PCDHGB1: variants seen among roughly 807,000 people sequenced by gnomAD.
PCDHGB1 encodes protocadherin gamma subfamily B, 1, also known as protocadherin gamma-B1.
In PCDHGB1, 34 loss-of-function variants were observed where a neutral mutation model predicts 56.6. The observed-to-expected ratio is 0.60, with a 90% CI of 0.46 to 0.80. The LOEUF is 0.80. PCDHGB1 is among the 30% of genes least tolerant of loss of function. PCDHGB1 has a pLI of 0.00. For synonymous variants in PCDHGB1, 561 were observed against 505.9 expected (o/e 1.11, Z -1.46); for missense variants, 1,278 against 1,204.6 (o/e 1.06, Z -0.90).
rs754268147 is a variant in PCDHGB1, at chr5:141,410,352, G to C, written c.2409+57683G>C. ...CTGGCCATTGCCTTGCGCCTGCGAC[G>C]CTCTCTCAGCCCTGCTACTTGGGAC... On this transcript the variant is annotated intron_variant, in intron 1 of 3. Coordinates refer to ENST00000523390, the MANE Select transcript of PCDHGB1 (RefSeq NM_018922.3). The C allele has an allele frequency of 6.2e-6, 10 of 1,614,022 alleles. No homozygotes were observed. In the South Asian group the frequency reaches 1.1e-4, roughly 18 times the overall value.
rs748349148 is a variant in PCDHGB1 at position 141,356,186 on chromosome 5, C to A, written c.2409+3517C>A. ...GCCCATGATGGGCCTGGTCTCCGAG[C>A]TAGAAGCAAGGTACTGGTGACAGTT... is the stretch of plus-strand genomic sequence containing the variant. On this transcript the variant is annotated intron_variant, in intron 1 of 3. Coordinates refer to ENST00000523390, the MANE Select transcript of PCDHGB1 (RefSeq NM_018922.3). 4 of 1,611,094 alleles carry A rather than the reference C, an allele frequency of 2.5e-6. No individual in the cohort carries two copies. The Admixed American group carries it at 6.7e-5, about 27-fold the overall frequency.
At chr5:141,405,441 A>G (rs1049992632) in intron 1 of PCDHGB1, 1 of 1,376,552 alleles carries the variant, frequency 7.3e-7, no homozygotes, top group Non-Finnish European at 1.0e-6. Context: ...TGTTTTTGAG[A>G]CAGAGTCTTA....
intron 1 of PCDHGB1, chr5:141,383,497 C>A: frequency 6.2e-7 from 1 of 1,612,952 alleles, no homozygotes; most frequent in East Asian, 2.2e-5. Flanking sequence ...GGAGCGGGTG[C>A]TGGACCGGGA....
chr5:141,385,045 C>A, intron 1 of PCDHGB1: 1 of 1,614,178 alleles, frequency 6.2e-7, no homozygotes, highest in Non-Finnish European at 8.5e-7. Context: ...GGCGCTCAGG[C>A]TGCGGCGCTG....
chr5:141,490,890 G>C lies in PCDHGB1; in HGVS notation c.2410-3917G>C, dbSNP rs751713801. The C allele has an allele frequency of 9.9e-6, 16 of 1,613,306 alleles. No homozygotes were observed. The South Asian group carries it at 1.2e-4, about 12-fold the overall frequency. On this transcript the variant is annotated intron_variant, in intron 1 of 3. Transcript: ENST00000523390. This position sits in a 1 kb window ranked among gnomAD's most constrained non-coding sequence, Gnocchi z 5.4. ...CCCCATTGCATGCCAACACATCTCT[G>C]CATGTGTTTGTCCTAGACGAGAATG...
At chr5:141,500,086 A>G (rs1456179271) in intron 2 of PCDHGB1, among the ~76,000 whole-genome samples, 1 of 151,682 alleles carries the variant, frequency 6.6e-6, no homozygotes, top group Non-Finnish European at 1.5e-5. Flanking sequence ...TCCATCTTCC[A>G]TTTTTGCAAT....
intron 1 of PCDHGB1, among the ~76,000 whole-genome samples, chr5:141,474,102 AAAC>A (rs909174523): frequency 2.6e-4 from 40 of 152,286 alleles, no homozygotes; most frequent in African/African-American, 8.7e-4. Flanking sequence ...ACAACAACAA[AAAC>A]AACAACAACG....
chr5:141,399,252 TG>T, intron 1 of PCDHGB1: 1 of 1,613,778 alleles, frequency 6.2e-7, no homozygotes, highest in Non-Finnish European at 8.5e-7. Context: ...CTGGGGAAAA[TG>T]GGGAGGTTAA....
At chr5:141,404,906 C>T (rs776779922) in intron 1 of PCDHGB1, 7 of 1,613,864 alleles carry the variant, frequency 4.3e-6, no homozygotes, top group Non-Finnish European at 5.1e-6. Context: ...CCATGGCCAG[C>T]CCCCTCTCTC....
chr5:141,488,548 T>C (rs112676623), intron 1 of PCDHGB1, among the ~76,000 whole-genome samples: 2 of 152,318 alleles, frequency 1.3e-5, no homozygotes, highest in African/African-American at 4.8e-5. Flanking sequence ...CCATGTCAGC[T>C]GACATTGAGA....
At chr5:141,473,439 A>G (rs2099322281) in intron 1 of PCDHGB1, among the ~76,000 whole-genome samples, 1 of 152,210 alleles carries the variant, frequency 6.6e-6, no homozygotes, top group African/African-American at 2.4e-5. Flanking sequence ...TTGCTTATGC[A>G]AAAATAATTA....
At chr5:141,483,907 C>A (rs545585133) in intron 1 of PCDHGB1, among the ~76,000 whole-genome samples, 1 of 151,240 alleles carries the variant, frequency 6.6e-6, no homozygotes, top group East Asian at 1.9e-4. Context: ...TGGTGTGTTT[C>A]CCACTCAGAT....
chr5:141,419,397 T>G (rs1280096838), intron 1 of PCDHGB1: 3 of 1,613,312 alleles, frequency 1.9e-6, no homozygotes. Flanking sequence ...CAGAGCGGGG[T>G]GGTGTTCGCG....
intron 1 of PCDHGB1, chr5:141,374,262 C>T (rs369097101): frequency 6.2e-7 from 1 of 1,613,942 alleles, no homozygotes; most frequent in Non-Finnish European, 8.5e-7. Flanking sequence ...CAGGAGTTGG[C>T]GGAGCACGGA....
At chr5:141,356,765 A>G (rs1019076807) in intron 1 of PCDHGB1, 3 of 1,613,966 alleles carry the variant, frequency 1.9e-6, no homozygotes, top group South Asian at 2.2e-5. Context: ...TCCTTCGACT[A>G]TGAGCAGTTT....
intron 1 of PCDHGB1, chr5:141,399,077 G>A (rs1589355843): frequency 6.2e-7 from 1 of 1,613,830 alleles, no homozygotes; most frequent in Non-Finnish European, 8.5e-7. Context: ...GTTGTAGAAG[G>A]GAGGGATGGT....
intron 1 of PCDHGB1, chr5:141,430,668 C>T (rs538633559): frequency 1.6e-6 from 2 of 1,243,872 alleles, no homozygotes; most frequent in East Asian, 2.5e-5. Context: ...GGAGCTCTGA[C>T]TTCCCAACTG....
In PCDHGB1 at chr5:141,350,545, G is replaced by T; in HGVS notation, c.285G>T (p.Arg95Ser). 6.2e-7 allele frequency: 1 copy of T among 1,614,032 alleles called. No individual in the cohort carries two copies. Among genetic ancestry groups the T allele is most frequent in the Non-Finnish European group, 8.5e-7 (1 of 1,179,906 alleles). The change falls in exon 1 of 4, where the codon AGG (arginine) becomes AGT (serine). Residue 95 changes from arginine to serine, a missense_variant. Arg to Ser is a moderately radical substitution (Grantham distance 110). Coordinates refer to ENST00000523390, the MANE Select transcript of PCDHGB1 (RefSeq NM_018922.3). ...GRIDREKICG[R>S]KLECALEFET... The stretch of plus-strand genomic sequence containing the variant: ...TAGATCGAGAGAAGATTTGCGGAAG[G>T]AAACTTGAGTGTGCACTAGAATTCG...
At chr5:141,452,421 C>A (rs1211472567) in intron 1 of PCDHGB1, among the ~76,000 whole-genome samples, 2 of 152,180 alleles carry the variant, frequency 1.3e-5, no homozygotes, top group Non-Finnish European at 2.9e-5. Context: ...ATGCTCACTG[C>A]TAATGGGCTG....
Sources: allele counts gnomAD v4.1 joint callset (sites outside exome capture counted in the v4.1 genomes callset), GRCh38; gene constraint gnomAD v4.1.1; non-coding constraint Gnocchi (gnomAD v3.1); transcripts MANE v1.5; gene names NCBI Gene and HGNC (gene_info 2026-07-23, HGNC 2026-07-21).